The following PER3 variants were observed in gnomAD, a reference collection of about 807,000 sequenced individuals.
PER3 encodes period circadian regulator 3.
A neutral mutation model predicts 127.2 loss-of-function variants in PER3; 107 were observed. That is an observed-to-expected ratio of 0.84 (90% CI 0.72 to 0.99). The LOEUF (loss-of-function observed/expected upper bound fraction) is 0.99, where lower values mean the gene tolerates loss of function less well. Ranked by LOEUF, PER3 falls within the 50% of genes least tolerant of loss-of-function variation. The pLI, the probability that PER3 is intolerant of heterozygous loss-of-function variation, is 0.00. For synonymous variants in PER3, 618 were observed against 585.8 expected (o/e 1.05, Z -0.79); for missense variants, 1,560 against 1,525.8 (o/e 1.02, Z -0.37).
chr1:7,807,819 C>T (rs1282689951), intron 10 of PER3, among the ~76,000 whole-genome samples: 1 of 152,208 alleles, frequency 6.6e-6, no homozygotes, highest in Non-Finnish European at 1.5e-5. Context: ...TGAACACCTG[C>T]TTCCCCCTTA....
At chr1:7,822,014 A>G (rs956928586) in intron 16 of PER3, among the ~76,000 whole-genome samples, 4 of 152,348 alleles carry the variant, frequency 2.6e-5, no homozygotes, top group Admixed American at 2.6e-4. Flanking sequence ...AATATGACAC[A>G]GCCCATGAGT....
At chr1:7,828,969 A>G (rs1042762216) in intron 18 of PER3, among the ~76,000 whole-genome samples, 1 of 152,220 alleles carries the variant, frequency 6.6e-6, no homozygotes, top group Non-Finnish European at 1.5e-5. Flanking sequence ...GGTGCCTGGC[A>G]TGTAGCAGGT....
chr1:7,815,850 A>G (rs1297017778), intron 13 of PER3, among the ~76,000 whole-genome samples: 1 of 151,480 alleles, frequency 6.6e-6, no homozygotes, highest in Non-Finnish European at 1.5e-5. Context: ...AAAATTAGCC[A>G]GGCATAGTGG....
At chr1:7,817,118 C>CA in intron 13 of PER3, among the ~76,000 whole-genome samples, 1 of 152,286 alleles carries the variant, frequency 6.6e-6, no homozygotes, top group Non-Finnish European at 1.5e-5. Flanking sequence ...AATGCTCTAG[C>CA]TCTGGAAAAC....
rs757168000 is a variant in PER3 at position 7,786,729 on chromosome 1, G to GAGT, written c.284_286dup (p.Glu95_Phe96insTer). ...CTCCCTGTGTTTCTTAGCAAACAGT[G>GAGT]AGTTTTTCCAGATTCTCAGTCAGAA... On this transcript the variant is annotated stop_gained and inframe_insertion, in exon 4 of 22. Coordinates refer to ENST00000377532, the MANE Select transcript of PER3 (RefSeq NM_001377275.1). LOFTEE classifies it high-confidence loss of function. The GAGT allele has an allele frequency of 3.2e-6, 5 of 1,583,544 alleles. No homozygotes were observed. The highest frequency in any genetic ancestry group is 4.3e-6 in the Non-Finnish European group (5 of 1,151,988).
chr1:7,841,271 C>G (rs1372698770), intron 21 of PER3, among the ~76,000 whole-genome samples: 1 of 149,526 alleles, frequency 6.7e-6, no homozygotes, highest in Non-Finnish European at 1.5e-5. Context: ...TTTGGCGTTT[C>G]TTTGTATGCC....
At chr1:7,831,011 G>A (rs985015758) in intron 19 of PER3, among the ~76,000 whole-genome samples, 4 of 152,204 alleles carry the variant, frequency 2.6e-5, no homozygotes, top group Middle Eastern at 3.4e-3. Context: ...AAAAAGTCTC[G>A]TGGTGTTTGG....
At chr1:7,812,575 A>G (rs2097223905) in intron 13 of PER3, among the ~76,000 whole-genome samples, 1 of 135,970 alleles carries the variant, frequency 7.4e-6, no homozygotes, top group South Asian at 2.4e-4. Flanking sequence ...CAGTGAGCCG[A>G]GATCGCGCCA....
At chr1:7,842,425 G>C (rs2097395206) in intron 21 of PER3, among the ~76,000 whole-genome samples, 1 of 151,994 alleles carries the variant, frequency 6.6e-6, no homozygotes, top group Admixed American at 6.6e-5. Flanking sequence ...GCTTGAACCT[G>C]GGAGGCGGAG....
Position 7,827,790 on chromosome 1 carries a change from G to T in PER3, c.2861G>T (p.Arg954Met). The change falls in exon 18 of 22, where the codon AGG becomes ATG. Residue 954 changes from arginine (R) to methionine (M), a missense_variant. Around this residue, in one of 3 missense-constraint regions of PER3, gnomAD observed 1,332 missense variants for 1,223.6 expected, o/e 1.09. Coordinates refer to ENST00000377532, the MANE Select transcript of PER3 (RefSeq NM_001377275.1). ...RPSESPDQMRRNTCPQTEYQC... is the reference protein window; with the variant it reads ...RPSESPDQMRMNTCPQTEYQC... ...TCTGAATCTCCAGATCAGATGAGAA[G>T]GAACACGTGCCCACAAACTGAGTAT... is the stretch of plus-strand genomic sequence containing the variant. 1.2e-6 allele frequency: 2 copies of T among 1,613,054 alleles called. No individual in the cohort carries two copies.
intron 3 of PER3, 43 bp downstream of exon 3, chr1:7,785,629 G>C (rs1287654748): frequency 6.3e-7 from 1 of 1,575,062 alleles, no homozygotes; most frequent in Non-Finnish European, 8.7e-7. Flanking sequence ...AATGCACCAG[G>C]ACTCATACAA....
At chr1:7,785,113 A>G in intron 2 of PER3, 108 bp downstream of exon 2, 4 of 1,222,054 alleles carry the variant, frequency 3.3e-6, no homozygotes, top group Non-Finnish European at 4.5e-6. Context: ...AGCCCAGGGG[A>G]AAGTGTAAAG....
intron 5 of PER3, among the ~76,000 whole-genome samples, chr1:7,792,469 T>G (rs1423274133): frequency 6.6e-6 from 1 of 152,240 alleles, no homozygotes; most frequent in East Asian, 1.9e-4. Context: ...TAATATGCCC[T>G]GAAATAATTC....
Position 7,787,676 on chromosome 1 carries a change from T to C in PER3, c.391-369T>C, listed in dbSNP as rs574610702. ...ATGAGGTTTGTCAAGGACAGCTTCTTGAAGAAGGTGAATCTTCAGTGTGTC... is the reference window on the plus strand; with the variant it reads ...ATGAGGTTTGTCAAGGACAGCTTCTCGAAGAAGGTGAATCTTCAGTGTGTC... On this transcript the variant is annotated intron_variant, in intron 4 of 21. Coordinates refer to ENST00000377532, the MANE Select transcript of PER3 (RefSeq NM_001377275.1). 4.8e-5 allele frequency: 16 copies of C among 330,258 alleles called. 1 individual carries two copies. The highest frequency in any genetic ancestry group is 9.4e-5 in the Non-Finnish European group (16 of 171,122). 20.5% of individuals were successfully genotyped at this position (330,258 alleles called of 1,614,324 possible). A position where few individuals can be genotyped will look rare whatever the true frequency, so the allele number is the denominator to read the frequency against.
At position 7,830,096 on chromosome 1, in the gene PER3, C is replaced by T. The variant is rs777566483; in HGVS notation, c.3149C>T (p.Ala1050Val). 98 of 1,614,038 alleles carry T rather than the reference C, an allele frequency of 6.1e-5. No homozygotes were observed. Among genetic ancestry groups the T allele is most frequent in the Non-Finnish European group, 8.1e-5 (96 of 1,179,976 alleles). ...PPSRTPSHPT[A>V]TVLSTGSPPS... ...AGCAGGACTCCATCCCATCCTACTG[C>T]CACTGTTCTGTCCACGGGGTCACCT... The change falls in exon 19 of 22, where the codon GCC (alanine) becomes GTC (valine). Residue 1050 changes from alanine to valine, a missense_variant. Ala to Val is a moderately conservative substitution (Grantham distance 64). This residue lies in a region of PER3 where 199 missense variants were observed against 198.6 expected (regional missense o/e 1.00). Transcript: ENST00000377532.
chr1:7,823,574 GGAGGTT>G (rs1230633014), intron 16 of PER3, among the ~76,000 whole-genome samples: 2 of 151,916 alleles, frequency 1.3e-5, no homozygotes, highest in Non-Finnish European at 2.9e-5. Flanking sequence ...CCTGGGAGGT[GGAGGTT>G]GCAGTGAGCC....
chr1:7,810,157 G>A, intron 12 of PER3, 136 bp downstream of exon 12: 1 of 972,088 alleles, frequency 1.0e-6, no homozygotes, highest in Non-Finnish European at 1.5e-6. Context: ...ATCCATTTTG[G>A]TTTGGAAAAA....
intron 5 of PER3, among the ~76,000 whole-genome samples, chr1:7,793,416 A>G (rs935940723): frequency 3.3e-5 from 5 of 152,226 alleles, no homozygotes; most frequent in African/African-American, 1.2e-4. Flanking sequence ...AGATTGGTAC[A>G]GTTTTCTGGA....
At chr1:7,792,575 TACTG>T (rs2097126890) in intron 5 of PER3, among the ~76,000 whole-genome samples, 2 of 152,248 alleles carry the variant, frequency 1.3e-5, no homozygotes, top group Admixed American at 6.5e-5. Flanking sequence ...CAAGGATTGA[TACTG>T]AGAGCAGTTG....
Sources: gnomAD v4.1 joint callset for allele counts (sites outside exome capture counted in the v4.1 genomes callset) on GRCh38, gnomAD v4.1.1 for gene constraint, gnomAD v4.1.1 regional missense constraint, MANE v1.5 for transcripts, NCBI Gene and HGNC (gene_info 2026-07-23, HGNC 2026-07-21) for gene names.